The following LRRTM4 variants were observed in gnomAD, a reference collection of about 807,000 sequenced individuals.
LRRTM4 encodes leucine-rich repeat transmembrane neuronal protein 4.
Under a neutral mutation model 47.6 loss-of-function variants are expected in LRRTM4, and 25 were observed. The ratio of observed to expected loss-of-function variants is 0.53; its 90% CI spans 0.38 to 0.73. The LOEUF (loss-of-function observed/expected upper bound fraction) is 0.73. Ranked by LOEUF, LRRTM4 falls within the 30% of genes least tolerant of loss-of-function variation. The pLI is 0.00. For synonymous variants in LRRTM4, 311 were observed against 269.5 expected, an observed-to-expected ratio of 1.15 and a Z score of -1.51; for missense variants, 638 against 713.4, an observed-to-expected ratio of 0.89 and a Z score of 1.20.
intron 3 of LRRTM4, among the ~76,000 whole-genome samples, chr2:77,395,898 C>G (rs956756040): frequency 1.3e-5 from 2 of 151,864 alleles, no homozygotes; most frequent in African/African-American, 4.8e-5. Flanking sequence ...CTTAAGTGGT[C>G]CACTTTTCTT....
chr2:76,798,017 C>T (rs1463889368), intron 3 of LRRTM4, among the ~76,000 whole-genome samples: 2 of 143,366 alleles, frequency 1.4e-5, no homozygotes, highest in East Asian at 4.1e-4. Context: ...ATTAACACCC[C>T]ACTGTCAACA....
intron 3 of LRRTM4, among the ~76,000 whole-genome samples, chr2:77,370,175 A>G (rs1672608637): frequency 6.6e-6 from 1 of 151,730 alleles, no homozygotes; most frequent in Non-Finnish European, 1.5e-5. Flanking sequence ...ACTGGAGTTG[A>G]GAAACTCACA....
At chr2:76,838,922 A>G (rs904575354) in intron 3 of LRRTM4, among the ~76,000 whole-genome samples, 6 of 152,078 alleles carry the variant, frequency 3.9e-5, no homozygotes, top group Admixed American at 2.0e-4. Flanking sequence ...CTAACCTTCC[A>G]ATTTGTTTCA....
chr2:77,269,830 A>G (rs980468921), intron 3 of LRRTM4, among the ~76,000 whole-genome samples: 2 of 152,188 alleles, frequency 1.3e-5, no homozygotes, highest in Admixed American at 6.5e-5. Context: ...AAATAATCCA[A>G]TGTTTTATCC....
chr2:76,908,847 T>G (rs532506057), intron 3 of LRRTM4, among the ~76,000 whole-genome samples: 2 of 152,062 alleles, frequency 1.3e-5, no homozygotes, highest in African/African-American at 4.8e-5. Context: ...TAAAAGAGGA[T>G]ACAAACAAAT....
intron 3 of LRRTM4, among the ~76,000 whole-genome samples, chr2:76,790,164 T>C (rs1558654597): frequency 6.6e-6 from 1 of 152,238 alleles, no homozygotes; most frequent in African/African-American, 2.4e-5. Context: ...ATGAAGAGGA[T>C]ACCACAAGGT....
At chr2:77,502,321 T>C (rs1367694568) in intron 3 of LRRTM4, among the ~76,000 whole-genome samples, 1 of 151,426 alleles carries the variant, frequency 6.6e-6, no homozygotes, top group Non-Finnish European at 1.5e-5. Context: ...TATTTTATCA[T>C]TTTGAACATA....
At chr2:76,771,587 C>A (rs1022719104) in intron 3 of LRRTM4, among the ~76,000 whole-genome samples, 1 of 150,670 alleles carries the variant, frequency 6.6e-6, no homozygotes, top group African/African-American at 2.5e-5. Context: ...AAAACACTTG[C>A]CTGAAGCAGC....
intron 3 of LRRTM4, among the ~76,000 whole-genome samples, chr2:77,319,100 C>CG (rs1677711045): frequency 6.6e-6 from 1 of 151,696 alleles, no homozygotes; most frequent in South Asian, 2.1e-4. Context: ...ATAGCCAGCC[C>CG]TGGGATGGGC....
chr2:77,448,872 T>C (rs1676151655), intron 3 of LRRTM4, among the ~76,000 whole-genome samples: 1 of 152,248 alleles, frequency 6.6e-6, no homozygotes, highest in Non-Finnish European at 1.5e-5. Flanking sequence ...CCTTGTCAAT[T>C]GGCAATCATT....
intron 3 of LRRTM4, among the ~76,000 whole-genome samples, chr2:76,797,586 T>C (rs1675410192): frequency 1.3e-5 from 2 of 151,286 alleles, no homozygotes; most frequent in African/African-American, 2.4e-5. Flanking sequence ...GCTAACATCA[T>C]AATGACAGGA....
chr2:77,030,967 T>C (rs1371824669), intron 3 of LRRTM4, among the ~76,000 whole-genome samples: 2 of 152,194 alleles, frequency 1.3e-5, no homozygotes, highest in Non-Finnish European at 2.9e-5. Context: ...CAATGGCTAT[T>C]GATGTAAATA....
chr2:76,831,754 T>C (rs1671357727), intron 3 of LRRTM4, among the ~76,000 whole-genome samples: 1 of 152,130 alleles, frequency 6.6e-6, no homozygotes, highest in Admixed American at 6.6e-5. Flanking sequence ...ACCCCTCTTA[T>C]GGGATCCTAC....
chr2:76,806,600 A>AC (rs1345451171), intron 3 of LRRTM4, among the ~76,000 whole-genome samples: 1 of 134,538 alleles, frequency 7.4e-6, no homozygotes, highest in Admixed American at 7.6e-5. Flanking sequence ...TTTTTTAAAA[A>AC]GAAAAAAAAC....
chr2:76,756,717 C>T (rs905236501), intron 3 of LRRTM4, among the ~76,000 whole-genome samples: 4 of 151,898 alleles, frequency 2.6e-5, no homozygotes, highest in African/African-American at 9.7e-5. Flanking sequence ...TCTCTGAGCT[C>T]CTAATATTTG....
chr2:76,887,317 C>A (rs1673108440), intron 3 of LRRTM4, among the ~76,000 whole-genome samples: 1 of 151,280 alleles, frequency 6.6e-6, no homozygotes, highest in Non-Finnish European at 1.5e-5. Flanking sequence ...ATTTGTAAAG[C>A]AACCTTTAAT....
intron 3 of LRRTM4, among the ~76,000 whole-genome samples, chr2:77,066,141 A>G (rs1179821662): frequency 1.3e-5 from 2 of 152,176 alleles, no homozygotes; most frequent in Non-Finnish European, 2.9e-5. Flanking sequence ...GCAGAATAGC[A>G]TACTGGTGAG....
chr2:77,516,944 C>G (rs1270588637), intron 3 of LRRTM4: 16 of 984,588 alleles, frequency 1.6e-5, no homozygotes, highest in Non-Finnish European at 1.8e-5. Context: ...TATTTTCCAA[C>G]TGTTAACTAG....
chr2:76,760,318 G>T (rs914263610), intron 3 of LRRTM4, among the ~76,000 whole-genome samples: 1 of 152,160 alleles, frequency 6.6e-6, no homozygotes, highest in Non-Finnish European at 1.5e-5. Context: ...GGAACCTGTA[G>T]TCTAATATGG....
Sources: gnomAD v4.1 joint callset for allele counts (sites outside exome capture counted in the v4.1 genomes callset) on GRCh38, gnomAD v4.1.1 for gene constraint, MANE v1.5 for transcripts, NCBI Gene and HGNC (gene_info 2026-07-23, HGNC 2026-07-21) for gene names.